The following AP2B1 variants were observed in gnomAD, a reference collection of about 807,000 sequenced individuals.
AP2B1 encodes AP-2 complex subunit beta.
In AP2B1, 23 loss-of-function variants were observed where a neutral mutation model predicts 102.0. The observed-to-expected ratio is 0.23, with a 90% CI of 0.16 to 0.32. The LOEUF is 0.32. Among genes scored for constraint, AP2B1 ranks in the 10% least tolerant of loss-of-function variants. AP2B1 has a pLI of 1.00. For missense variants in AP2B1, 541 were observed against 1,157.4 expected, an observed-to-expected ratio of 0.47 and a Z score of 7.73; for synonymous variants, 381 against 421.2, an observed-to-expected ratio of 0.90 and a Z score of 1.17.
At chr17:35,651,456 C>G (rs2075084076) in intron 13 of AP2B1, among the ~76,000 whole-genome samples, 1 of 152,158 alleles carries the variant, frequency 6.6e-6, no homozygotes, top group Non-Finnish European at 1.5e-5. Flanking sequence ...CTAATAAACT[C>G]TTACAATGGG....
chr17:35,712,952 A>G (rs1269817017), intron 20 of AP2B1, among the ~76,000 whole-genome samples: 5 of 152,250 alleles, frequency 3.3e-5, no homozygotes, highest in African/African-American at 1.2e-4. Context: ...TTTGTTTCAG[A>G]CATGTTCAGT....
chr17:35,691,449 G>A (rs896705039), intron 18 of AP2B1, among the ~76,000 whole-genome samples: 2 of 152,182 alleles, frequency 1.3e-5, no homozygotes, highest in African/African-American at 2.4e-5. Flanking sequence ...CCTTTTCAGC[G>A]CTCCCATCAA....
At chr17:35,695,336 T>C (rs1337578380) in intron 18 of AP2B1, among the ~76,000 whole-genome samples, 2 of 152,072 alleles carry the variant, frequency 1.3e-5, no homozygotes, top group East Asian at 1.9e-4. Flanking sequence ...TATAAAACTT[T>C]CAAAATGAGG....
intron 21 of AP2B1, among the ~76,000 whole-genome samples, chr17:35,720,694 TTGCAGGCGTGAGCCAC>T (rs1252381259): frequency 6.7e-6 from 1 of 149,440 alleles, no homozygotes; most frequent in Non-Finnish European, 1.5e-5. Flanking sequence ...AGTGGTGGGA[TTGCAGGCGTGAGCCAC>T]TGCACCTGGC....
At chr17:35,711,482 G>A (rs906572801) in intron 20 of AP2B1, among the ~76,000 whole-genome samples, 5 of 142,888 alleles carry the variant, frequency 3.5e-5, no homozygotes, top group Admixed American at 7.2e-5. Flanking sequence ...CCCACTCCCC[G>A]GCCCAAGATG....
In AP2B1 at chr17:35,624,451, A is replaced by G. The variant is rs771928156; in HGVS notation, c.580A>G (p.Ser194Gly). 1.2e-6 allele frequency: 2 copies of G among 1,614,216 alleles called. No homozygotes were observed. The highest frequency in any genetic ancestry group is 3.3e-5 in the Admixed American group (2 of 60,026). Reference protein sequence around the residue: ...LSEISESHPNSNLLDLNPQNI... With the variant: ...LSEISESHPNGNLLDLNPQNI... ...TGAAATCAGTGAGTCTCACCCAAAC[A>G]GCAACTTACTTGATCTGAACCCACA... The change falls in exon 6 of 22, where the codon AGC becomes GGC. Residue 194 changes from serine (S) to glycine (G), a missense_variant. This residue lies in a region of AP2B1 where 134 missense variants were observed against 250.2 expected (regional missense o/e 0.54). Coordinates refer to ENST00000610402, the MANE Select transcript of AP2B1 (RefSeq NM_001030006.2).
At chr17:35,686,788 C>T (rs1367475699) in intron 18 of AP2B1, among the ~76,000 whole-genome samples, 1 of 152,128 alleles carries the variant, frequency 6.6e-6, no homozygotes, top group Non-Finnish European at 1.5e-5. Flanking sequence ...CACGGTGAAA[C>T]CCCGTCTCTA....
At chr17:35,590,991 A>G (rs1027172030) in intron 1 of AP2B1, among the ~76,000 whole-genome samples, 3 of 151,986 alleles carry the variant, frequency 2.0e-5, no homozygotes, top group Non-Finnish European at 4.4e-5. Flanking sequence ...CCTGGCTAAC[A>G]AGGAAAAACC....
rs897486380 is a variant in AP2B1 at position 35,624,417 on chromosome 17, G to A, written c.546G>A (p.Ala182=). 14 of 1,614,030 alleles carry A rather than the reference G, an allele frequency of 8.7e-6. No homozygotes were observed. The highest frequency in any genetic ancestry group is 3.3e-4 in the Middle Eastern group (2 of 6,062). The change falls in exon 6 of 22, where the codon GCG becomes GCA. Residue 182 remains alanine (A), a synonymous_variant. Transcript: ENST00000610402. ...TCCAGGTGGTGGCTAATGCCGTAGCGGCATTATCTGAAATCAGTGAGTCTC... is the reference window on the plus strand; with the variant it reads ...TCCAGGTGGTGGCTAATGCCGTAGCAGCATTATCTGAAATCAGTGAGTCTC... ...SNPMVVANAV[A]ALSEISESHP...
chr17:35,623,559 T>A (rs1861501116), intron 5 of AP2B1, among the ~76,000 whole-genome samples: 1 of 152,076 alleles, frequency 6.6e-6, no homozygotes, highest in South Asian at 2.1e-4. Flanking sequence ...AAATACTGTA[T>A]TTCATTGAAT....
intron 1 of AP2B1, among the ~76,000 whole-genome samples, chr17:35,593,449 T>TAAAA (rs10678502): frequency 6.1e-4 from 92 of 151,706 alleles, no homozygotes; most frequent in African/African-American, 2.0e-3. Flanking sequence ...AACTAAAAAT[T>TAAAA]AAAAAAATTC....
At chr17:35,609,696 A>G (rs1377851251) in intron 5 of AP2B1, among the ~76,000 whole-genome samples, 3 of 152,098 alleles carry the variant, frequency 2.0e-5, no homozygotes, top group Non-Finnish European at 4.4e-5. Context: ...GTTGGTCATG[A>G]ATTCCTGGCC....
chr17:35,702,269 A>G (rs1431985461), intron 18 of AP2B1, among the ~76,000 whole-genome samples: 1 of 152,254 alleles, frequency 6.6e-6, no homozygotes, highest in Non-Finnish European at 1.5e-5. Context: ...TTTTACAAAA[A>G]TATGTTGGTC....
At chr17:35,650,287 G>A (rs1231813950) in intron 12 of AP2B1, among the ~76,000 whole-genome samples, 1 of 152,028 alleles carries the variant, frequency 6.6e-6, no homozygotes, top group Non-Finnish European at 1.5e-5. Flanking sequence ...TAGAGGCAAG[G>A]TTTTGCCACG....
intron 6 of AP2B1, among the ~76,000 whole-genome samples, chr17:35,625,013 C>T (rs959664970): frequency 5.9e-5 from 9 of 152,046 alleles, no homozygotes; most frequent in Admixed American, 6.5e-5. Flanking sequence ...AGAATATATC[C>T]TCCTTTCCAG....
Position 35,624,441 on chromosome 17 carries a change from T to G in AP2B1, c.570T>G (p.Ser190=). 6.2e-7 allele frequency: 1 copy of G among 1,614,196 alleles called. No homozygotes were observed. ...CGGCATTATCTGAAATCAGTGAGTCTCACCCAAACAGCAACTTACTTGATC... is the reference window on the plus strand; with the variant it reads ...CGGCATTATCTGAAATCAGTGAGTCGCACCCAAACAGCAACTTACTTGATC... The part of the protein sequence containing the change: ...AVAALSEISE[S]HPNSNLLDLN... Residue 190 remains serine, a synonymous_variant, in exon 6 of 22, where the codon TCT becomes TCG. Coordinates refer to ENST00000610402, the MANE Select transcript of AP2B1 (RefSeq NM_001030006.2).
At chr17:35,600,629 A>T (rs77848861) in intron 3 of AP2B1, among the ~76,000 whole-genome samples, 3 of 152,230 alleles carry the variant, frequency 2.0e-5, no homozygotes, top group Non-Finnish European at 2.9e-5. Context: ...GCAAAAAAAT[A>T]AAAAAGCAGT....
intron 17 of AP2B1, among the ~76,000 whole-genome samples, chr17:35,678,952 T>C (rs1004042677): frequency 7.5e-6 from 1 of 132,600 alleles, no homozygotes; most frequent in African/African-American, 2.8e-5. Context: ...CCTTGGTAGC[T>C]AGCATTGTTG....
rs554580108 is a variant in AP2B1 at position 35,594,765 on chromosome 17, A to C, written c.37+698A>C. ...GAGGGACTTTGCACTTATTACTCTCATCATCTTTGTTATCAGTAATATAAT... is the reference window on the plus strand; with the variant it reads ...GAGGGACTTTGCACTTATTACTCTCCTCATCTTTGTTATCAGTAATATAAT... On this transcript the variant is annotated intron_variant, in intron 2 of 21. Transcript: ENST00000610402. Among the ~76,000 whole-genome samples, 53 of 152,310 alleles carry C rather than the reference A, an allele frequency of 3.5e-4. No homozygotes were observed. In the Middle Eastern group the frequency reaches 0.01, roughly 29 times the overall value.
Sources: allele counts gnomAD v4.1 joint callset (sites outside exome capture counted in the v4.1 genomes callset), GRCh38; gene constraint gnomAD v4.1.1; regional missense constraint gnomAD v4.1.1; transcripts MANE v1.5; gene names NCBI Gene and HGNC (gene_info 2026-07-23, HGNC 2026-07-21).